ACRBP: variants seen among roughly 807,000 people sequenced by gnomAD.
ACRBP encodes acrosin-binding protein.
Under a neutral mutation model 69.0 loss-of-function variants are expected in ACRBP, and 52 were observed. The ratio of observed to expected loss-of-function variants is 0.75; its 90% CI spans 0.60 to 0.95. The LOEUF (loss-of-function observed/expected upper bound fraction) is 0.95, where lower values mean the gene tolerates loss of function less well. Among genes scored for constraint, ACRBP ranks in the 40% least tolerant of loss-of-function variants. ACRBP has a pLI of 0.00. For missense variants in ACRBP, 604 were observed against 673.0 expected (o/e 0.90, Z 1.13); for synonymous variants, 267 against 258.9 (o/e 1.03, Z -0.30).
rs369421562 is a variant in ACRBP at position 6,647,019 on chromosome 12, A to C, written c.44-7T>G. ...GCCAGAGGCAGGAGCAGCACTGCGG[A>C]GCGGGCGAACGGATGATGGAAGGAC... is the stretch of plus-strand genomic sequence containing the variant. On this transcript the variant is annotated splice_polypyrimidine_tract_variant and splice_region_variant and intron_variant, in intron 1 of 9. Transcript: ENST00000229243. The C allele has an allele frequency of 9.3e-6, 15 of 1,606,986 alleles. No individual in the cohort carries two copies. The highest frequency in any genetic ancestry group is 1.3e-5 in the Non-Finnish European group (15 of 1,179,570).
At position 6,640,190 on chromosome 12, in the gene ACRBP, T is replaced by C. The variant is rs1949041950; in HGVS notation, c.1295A>G (p.Asp432Gly). The C allele has an allele frequency of 6.2e-7, 1 of 1,614,092 alleles. No individual in the cohort carries two copies. Among genetic ancestry groups the C allele is most frequent in the Non-Finnish European group, 8.5e-7 (1 of 1,180,020 alleles). The change falls in exon 8 of 10, where the codon GAT (aspartate) becomes GGT (glycine). Residue 432 changes from aspartate to glycine, a missense_variant. This residue lies in a region of ACRBP where 532 missense variants were observed against 562.9 expected (regional missense o/e 0.95). Coordinates refer to ENST00000229243, the MANE Select transcript of ACRBP (RefSeq NM_032489.3). The surrounding 1 kb of genome is among the most constrained non-coding windows in gnomAD (Gnocchi z 5.3). ...SPESGRFYGL[D>G]LYGGLHMDFW... ...GTCCATGTGGAGCCCACCGTACAAA[T>C]CCAGCCCGTAAAAGCGGCCTGATTC...
Position 6,644,144 on chromosome 12 carries a change from G to A in ACRBP, c.937C>T (p.Pro313Ser). The A allele has an allele frequency of 6.3e-7, 1 of 1,576,206 alleles. No individual in the cohort carries two copies. The highest frequency in any genetic ancestry group is 1.7e-4 in the Middle Eastern group (1 of 5,902). Residue 313 changes from proline to serine, a missense_variant, in exon 5 of 10, where the codon CCT (proline) becomes TCT (serine). Transcript: ENST00000229243. ...DENSYWRNQN[P>S]GSLLQLPHTE... Reference sequence around the variant, plus strand: ...AGTCAAAACTTCCTATACCTGCCAGGGTTTTGGTTTCTCCAGTAGGAGTTC... The same window carrying A: ...AGTCAAAACTTCCTATACCTGCCAGAGTTTTGGTTTCTCCAGTAGGAGTTC...
Position 6,645,300 on chromosome 12 carries a change from G to C in ACRBP, c.395C>G (p.Pro132Arg). ...AGCTTCTATCTCCTTGAGAGTGTTA[G>C]GTGAGAGAATAGAGACTGGCTGGGA... ...LCSQPVSILS[P>R]NTLKEIEASA... The change falls in exon 4 of 10, where the codon CCT (proline) becomes CGT (arginine). Residue 132 changes from proline (P) to arginine (R), a missense_variant. By Grantham distance (103) the Pro-to-Arg change is moderately radical. Around this residue, in one of 3 missense-constraint regions of ACRBP, gnomAD observed 532 missense variants for 562.9 expected, o/e 0.95. Transcript: ENST00000229243. The C allele has an allele frequency of 6.2e-7, 1 of 1,613,772 alleles. No homozygotes were observed. Among genetic ancestry groups the C allele is most frequent in the Non-Finnish European group, 8.5e-7 (1 of 1,179,870 alleles).
chr12:6,647,207 G>C (rs1949097149), intron 1 of ACRBP, 117 bp downstream of exon 1: 5 of 1,297,834 alleles, frequency 3.9e-6, no homozygotes, highest in Admixed American at 2.6e-5. Context: ...AGGACCTAGG[G>C]AGCCGACCCA....
chr12:6,640,105 G>C lies in ACRBP; in HGVS notation c.1380C>G (p.Leu460=), dbSNP rs1238463215. The change falls in exon 8 of 10, where the codon CTC becomes CTG. Residue 460 remains leucine, a synonymous_variant. Coordinates refer to ENST00000229243, the MANE Select transcript of ACRBP (RefSeq NM_032489.3). The surrounding 1 kb of genome is among the most constrained non-coding windows in gnomAD (Gnocchi z 5.3). ...GCEDVRVSGW[L]QTEFLSFQDG... is the part of the protein sequence containing the mutation. ...CCTGGAAGCTAAGGAACTCAGTCTG[G>C]AGCCACCCAGAGACTCGGACATCTT... 2.5e-6 allele frequency: 4 copies of C among 1,614,192 alleles called. No individual in the cohort carries two copies. Among genetic ancestry groups the C allele is most frequent in the Non-Finnish European group, 3.4e-6 (4 of 1,180,036 alleles).
chr12:6,644,497 T>C lies in ACRBP; in HGVS notation c.584A>G (p.His195Arg). ...SLGGQEQAPE[H>R]KQEQGVEHRQ... ...GTGCTCCACTCCTTGCTCCTGCTTG[T>C]GCTCTGGCGCTTGCTCCTGGCCTCC... is the stretch of plus-strand genomic sequence containing the variant. Residue 195 changes from histidine (H) to arginine (R), a missense_variant, in exon 5 of 10, where the codon CAC becomes CGC. Physicochemically the swap from His to Arg is conservative, Grantham distance 29. Transcript: ENST00000229243. The C allele has an allele frequency of 1.2e-6, 2 of 1,614,092 alleles. No homozygotes were observed. The highest frequency in any genetic ancestry group is 2.2e-5 in the South Asian group (2 of 91,078).
rs763204631 is a variant in ACRBP, at chr12:6,644,496, G to A, written c.585C>T (p.His195=). The A allele has an allele frequency of 6.2e-6, 10 of 1,613,872 alleles. No individual in the cohort carries two copies. The East Asian group carries it at 2.0e-4, about 32-fold the overall frequency. The part of the protein sequence containing the change: ...SLGGQEQAPE[H]KQEQGVEHRQ... Reference sequence around the variant, plus strand: ...TGTGCTCCACTCCTTGCTCCTGCTTGTGCTCTGGCGCTTGCTCCTGGCCTC... The same window carrying A: ...TGTGCTCCACTCCTTGCTCCTGCTTATGCTCTGGCGCTTGCTCCTGGCCTC... The change falls in exon 5 of 10, where the codon CAC becomes CAT. Residue 195 remains histidine (H), a synonymous_variant. Transcript: ENST00000229243.
At chr12:6,643,788 A>C in intron 5 of ACRBP, 117 bp from the exon 6 acceptor site, 1 of 1,413,208 alleles carries the variant, frequency 7.1e-7, no homozygotes, top group Non-Finnish European at 9.6e-7. Flanking sequence ...CAGCATGCTT[A>C]GCATGGGGCC....
Position 6,640,500 on chromosome 12 carries a change from C to T in ACRBP, c.1100G>A (p.Arg367Gln), listed in dbSNP as rs760775318. 50 of 1,613,942 alleles carry T rather than the reference C, an allele frequency of 3.1e-5. No homozygotes were observed. In the South Asian group the frequency reaches 3.4e-4, roughly 11 times the overall value. Residue 367 changes from arginine (R) to glutamine (Q), a missense_variant, in exon 7 of 10, where the codon CGA (arginine) becomes CAA (glutamine). Around this residue, in one of 3 missense-constraint regions of ACRBP, gnomAD observed 532 missense variants for 562.9 expected, o/e 0.95. Transcript: ENST00000229243. This position sits in a 1 kb window ranked among gnomAD's most constrained non-coding sequence, Gnocchi z 5.3. ...ACAGAGGGCACAGGTAGACATGTGTCGCCGCCCAAGGCTGTCACAGACCTG... is the reference window on the plus strand; with the variant it reads ...ACAGAGGGCACAGGTAGACATGTGTTGCCGCCCAAGGCTGTCACAGACCTG... ...GKSVCDSLGR[R>Q]HMSTCALCDF...
rs756470203 is a variant in ACRBP at position 6,638,358 on chromosome 12, C to A, written c.1556G>T (p.Ser519Ile). 6.2e-7 allele frequency: 1 copy of A among 1,614,130 alleles called. No individual in the cohort carries two copies. Among genetic ancestry groups the A allele is most frequent in the South Asian group, 1.1e-5 (1 of 91,086 alleles). The change falls in exon 10 of 10, where the codon AGC becomes ATC. Residue 519 changes from serine to isoleucine, a missense_variant. Physicochemically the swap from Ser to Ile is moderately radical, Grantham distance 142. Coordinates refer to ENST00000229243, the MANE Select transcript of ACRBP (RefSeq NM_032489.3). ...CACAACGTCCTCACTTTTGCCAGGG[C>A]TCAGCGCACTGTAAGTCTCATTCTG... ...CLQNETYSAL[S>I]PGKSEDVVLR...
At position 6,644,569 on chromosome 12, in the gene ACRBP, C is replaced by T; in HGVS notation, c.512G>A (p.Arg171Lys). The change falls in exon 5 of 10, where the codon AGG becomes AAG. Residue 171 changes from arginine (R) to lysine (K), a missense_variant. Physicochemically the swap from Arg to Lys is conservative, Grantham distance 26 (BLOSUM62 2). Around this residue, in one of 3 missense-constraint regions of ACRBP, gnomAD observed 532 missense variants for 562.9 expected, o/e 0.95. Coordinates refer to ENST00000229243, the MANE Select transcript of ACRBP (RefSeq NM_032489.3). ...GAGCTCTTCCACGTTGTTGCTGAGC[C>T]TCTCAGGCCAGGGCTGGAAGGTCTG... ...ERQTFQPWPE[R>K]LSNNVEELLQ... 2 of 1,613,972 alleles carry T rather than the reference C, an allele frequency of 1.2e-6. No homozygotes were observed. Among genetic ancestry groups the T allele is most frequent in the East Asian group, 2.2e-5 (1 of 44,866 alleles).
rs372895222 is a variant in ACRBP, at chr12:6,640,570, C to T, written c.1078-48G>A. On this transcript the variant is annotated intron_variant, in intron 6 of 9. Transcript: ENST00000229243. The surrounding 1 kb of genome is among the most constrained non-coding windows in gnomAD (Gnocchi z 5.3). The stretch of plus-strand genomic sequence containing the variant: ...GCTGAAGCTGAGAGTCAGCGGCCTG[C>T]CTTCTCCCATGCCTCAGCCCTCCAG... 2 of 1,584,390 alleles carry T rather than the reference C, an allele frequency of 1.3e-6. No homozygotes were observed. Among genetic ancestry groups the T allele is most frequent in the African/African-American group, 1.3e-5 (1 of 74,550 alleles).
intron 3 of ACRBP, among the ~76,000 whole-genome samples, chr12:6,646,052 C>T (rs1303219432): frequency 2.6e-5 from 4 of 151,648 alleles, no homozygotes; most frequent in South Asian, 4.2e-4. Context: ...CTTTGCCTCC[C>T]GGGTTCAAGC....
At chr12:6,644,630 G>C (rs1322638066) in intron 4 of ACRBP, 25 bp from the exon 5 acceptor site, 14 of 1,578,572 alleles carry the variant, frequency 8.9e-6, no homozygotes, top group Non-Finnish European at 1.2e-5. Flanking sequence ...AGAGAGAAGG[G>C]AGAGAGACAG....
rs1490896297 is a variant in ACRBP, at chr12:6,638,947, T to C, written c.1509+7A>G. The C allele has an allele frequency of 1.2e-6, 2 of 1,613,208 alleles. No homozygotes were observed. The highest frequency in any genetic ancestry group is 8.5e-7 in the Non-Finnish European group (1 of 1,179,632). Reference sequence around the variant, plus strand: ...GGGAGAAGGAGGGGCAGGGCAGGGGTGCTCACCTTCCGATTGCGGTTTCTC... The same window carrying C: ...GGGAGAAGGAGGGGCAGGGCAGGGGCGCTCACCTTCCGATTGCGGTTTCTC... On this transcript the variant is annotated splice_region_variant and intron_variant, in intron 9 of 9. Transcript: ENST00000229243.
In ACRBP at chr12:6,644,404, T is replaced by A. The variant is rs142341550; in HGVS notation, c.677A>T (p.Gln226Leu). 178 of 1,613,980 alleles carry A rather than the reference T, an allele frequency of 1.1e-4. No individual in the cohort carries two copies. Among genetic ancestry groups the A allele is most frequent in the Non-Finnish European group, 1.3e-4 (155 of 1,180,008 alleles). ...GQKQEEQEEE[Q>L]EEEGKQEEGQ... Reference sequence around the variant, plus strand: ...TTCTTCCTGCTTTCCCTCCTCTTCCTGTTCCTCTTCTTGCTCTTCCTGTTT... The same window carrying A: ...TTCTTCCTGCTTTCCCTCCTCTTCCAGTTCCTCTTCTTGCTCTTCCTGTTT... The change falls in exon 5 of 10, where the codon CAG becomes CTG. Residue 226 changes from glutamine to leucine, a missense_variant. By Grantham distance (113) the Gln-to-Leu change is moderately radical. Transcript: ENST00000229243.
At chr12:6,638,832 G>A in intron 9 of ACRBP, 122 bp downstream of exon 9, 1 of 1,541,576 alleles carries the variant, frequency 6.5e-7, no homozygotes, top group Non-Finnish European at 8.7e-7. Flanking sequence ...CTGCCCCAGA[G>A]ATGCAAGCAG....
Position 6,646,491 on chromosome 12 carries a change from A to T in ACRBP, c.349T>A (p.Tyr117Asn), listed in dbSNP as rs1949090132. 7 of 1,614,056 alleles carry T rather than the reference A, an allele frequency of 4.3e-6. No individual in the cohort carries two copies. Among genetic ancestry groups the T allele is most frequent in the Non-Finnish European group, 5.9e-6 (7 of 1,179,968 alleles). The change falls in exon 3 of 10, where the codon TAT (tyrosine) becomes AAT (asparagine). Residue 117 changes from tyrosine to asparagine, a missense_variant. By Grantham distance (143) the Tyr-to-Asn change is moderately radical. Around this residue, in one of 3 missense-constraint regions of ACRBP, gnomAD observed 532 missense variants for 562.9 expected, o/e 0.95. Transcript: ENST00000229243. ...THYRCSNHVY[Y>N]AKRVLCSQPV... ...TTTGTCCTGGGCCTCACCTTGGCATAGTAGACGTGGTTGGAGCAACGGTAG... is the reference window on the plus strand; with the variant it reads ...TTTGTCCTGGGCCTCACCTTGGCATTGTAGACGTGGTTGGAGCAACGGTAG...
intron 6 of ACRBP, 33 bp downstream of exon 6, chr12:6,643,506 G>A (rs192129797): frequency 5.6e-6 from 9 of 1,612,286 alleles, no homozygotes; most frequent in Non-Finnish European, 7.6e-6. Flanking sequence ...ATGCCCAGTG[G>A]CATGTATCCA....
Sources: allele counts gnomAD v4.1 joint callset (sites outside exome capture counted in the v4.1 genomes callset), GRCh38; gene constraint gnomAD v4.1.1; regional missense constraint gnomAD v4.1.1; non-coding constraint Gnocchi (gnomAD v3.1); transcripts MANE v1.5; gene names NCBI Gene and HGNC (gene_info 2026-07-23, HGNC 2026-07-21).